GRAMD4: variants seen among roughly 807,000 people sequenced by gnomAD.
GRAMD4 encodes GRAM domain-containing protein 4.
A neutral mutation model predicts 83.9 loss-of-function variants in GRAMD4; 25 were observed. That is an observed-to-expected ratio of 0.30 (90% CI 0.22 to 0.42). The LOEUF (loss-of-function observed/expected upper bound fraction) is 0.42, where lower values mean the gene tolerates loss of function less well. Among genes scored for constraint, GRAMD4 ranks in the 10% least tolerant of loss-of-function variants. The probability of loss-of-function intolerance (pLI) is 1.00; values close to 1 mark genes in which losing one functional copy is unlikely to be tolerated. For missense variants in GRAMD4, 593 were observed against 788.7 expected, an observed-to-expected ratio of 0.75 and a Z score of 2.97; for synonymous variants, 336 against 320.9, an observed-to-expected ratio of 1.05 and a Z score of -0.50.
At chr22:46,599,236 C>T (rs1030431598) in intron 1 of GRAMD4, among the ~76,000 whole-genome samples, 2 of 152,140 alleles carry the variant, frequency 1.3e-5, no homozygotes, top group Non-Finnish European at 2.9e-5. Context: ...AGAGTGCTTG[C>T]GTTGTCAGTT....
At chr22:46,627,051 G>A in intron 2 of GRAMD4, 90 bp downstream of exon 2, 1 of 878,866 alleles carries the variant, frequency 1.1e-6, no homozygotes. Context: ...GCAGATTCGT[G>A]TCCTGCCCAT....
intron 1 of GRAMD4, among the ~76,000 whole-genome samples, chr22:46,579,657 C>G (rs2081078194): frequency 6.6e-6 from 1 of 152,152 alleles, no homozygotes. Context: ...TCCGTGTGCC[C>G]CCTCCCCTCC....
rs2081583096 is a variant in GRAMD4 at position 46,622,012 on chromosome 22, A to T, written c.-50+1447A>T. ...GGGCCGCTGTGAACCATCCAGCAGG[A>T]TGACCCTGGGTTTGGGGCTGAGCCG... On this transcript the variant is annotated intron_variant, in intron 1 of 18. Transcript: ENST00000406902. This position sits in a 1 kb window ranked among gnomAD's most constrained non-coding sequence, Gnocchi z 4.0. 6.6e-6 allele frequency among the ~76,000 whole-genome samples: 1 copy of T among 152,170 alleles called. No homozygotes were observed.
Position 46,677,580 on chromosome 22 carries a change from G to A in GRAMD4, c.*329G>A. 1 of 1,075,048 alleles carries A rather than the reference G, an allele frequency of 9.3e-7. No individual in the cohort carries two copies. Among genetic ancestry groups the A allele is most frequent in the African/African-American group, 1.6e-5 (1 of 61,394 alleles). 66.6% of individuals were successfully genotyped at this position (1,075,048 alleles called of 1,614,324 possible). A position where few individuals can be genotyped will look rare whatever the true frequency, so the allele number is the denominator to read the frequency against. On this transcript the variant is annotated 3_prime_UTR_variant, in exon 19 of 19. Coordinates refer to ENST00000406902, the MANE Select transcript of GRAMD4 (RefSeq NM_015124.5). The stretch of plus-strand genomic sequence containing the variant: ...CCCTGCCCTTCTCCGTTCCAGCCTG[G>A]ACAGAGAAACCTCTCCAGCCACCCC...
At chr22:46,644,699 T>TTTTTTTG in intron 3 of GRAMD4, among the ~76,000 whole-genome samples, 4 of 3,876 alleles carry the variant, frequency 1.0e-3, no homozygotes, top group Admixed American at 6.0e-3. Flanking sequence ...TGTTCCCTGT[T>TTTTTTTG]TTTTTTTTTT....
At chr22:46,675,439 G>C in intron 16 of GRAMD4, 29 bp from the exon 17 acceptor site, 1 of 1,541,392 alleles carries the variant, frequency 6.5e-7, no homozygotes, top group Non-Finnish European at 9.0e-7. Flanking sequence ...TCAAGAGCCA[G>C]GCGACGCCTC....
intron 1 of GRAMD4, among the ~76,000 whole-genome samples, chr22:46,577,671 C>T (rs1173907308): frequency 6.6e-6 from 1 of 152,116 alleles, no homozygotes; most frequent in Non-Finnish European, 1.5e-5. Context: ...CAATGTCGTC[C>T]TGCCGATCCA....
At chr22:46,645,354 C>T (rs1038644370) in intron 3 of GRAMD4, among the ~76,000 whole-genome samples, 1 of 152,126 alleles carries the variant, frequency 6.6e-6, no homozygotes, top group African/African-American at 2.4e-5. Context: ...TTCTGGTTGT[C>T]ACTAAGCCAA....
At chr22:46,593,371 T>G (rs4823861) in intron 1 of GRAMD4, among the ~76,000 whole-genome samples, 139,754 of 151,986 alleles carry the variant, frequency 0.92, 64,374 homozygotes, top group East Asian at 1. Context: ...AGCTGGACGG[T>G]GAAAGGGACG....
intron 3 of GRAMD4, among the ~76,000 whole-genome samples, chr22:46,651,129 C>T (rs750550071): frequency 4.6e-5 from 7 of 151,634 alleles, no homozygotes; most frequent in African/African-American, 1.5e-4. Context: ...TCCTAGGCAT[C>T]GGGGGAGCAG....
intron 4 of GRAMD4, among the ~76,000 whole-genome samples, chr22:46,660,137 G>A (rs2082306165): frequency 6.6e-6 from 1 of 152,200 alleles, no homozygotes; most frequent in African/African-American, 2.4e-5. Flanking sequence ...GCCCCTTGGT[G>A]GCAGGTGTGC....
At chr22:46,650,209 G>A (rs1021132247) in intron 3 of GRAMD4, among the ~76,000 whole-genome samples, 4 of 152,158 alleles carry the variant, frequency 2.6e-5, no homozygotes, top group African/African-American at 4.8e-5. Flanking sequence ...TGAATCAGTC[G>A]TGTGCCAAGA....
At chr22:46,585,780 C>T (rs887586593) in intron 1 of GRAMD4, among the ~76,000 whole-genome samples, 3 of 152,132 alleles carry the variant, frequency 2.0e-5, no homozygotes, top group East Asian at 3.9e-4. Context: ...AAGGAGGGCT[C>T]CCTGGAGCGA....
In GRAMD4 at chr22:46,672,082, C is replaced by T. The variant is rs1385830256; in HGVS notation, c.1085-761C>T. Among the ~76,000 whole-genome samples, 1 of 152,198 alleles carries T rather than the reference C, an allele frequency of 6.6e-6. No individual in the cohort carries two copies. Among genetic ancestry groups the T allele is most frequent in the Non-Finnish European group, 1.5e-5 (1 of 68,018 alleles). On this transcript the variant is annotated intron_variant, in intron 13 of 18. Coordinates refer to ENST00000406902, the MANE Select transcript of GRAMD4 (RefSeq NM_015124.5). This position sits in a 1 kb window ranked among gnomAD's most constrained non-coding sequence, Gnocchi z 4.7. The stretch of plus-strand genomic sequence containing the variant: ...CAGCCCCCAGCACTGGGAGGGGCAC[C>T]CGGAGAGACCGGAACTCCTGACAGC...
At chr22:46,604,294 A>G (rs1737846557) in intron 1 of GRAMD4, among the ~76,000 whole-genome samples, 1 of 152,136 alleles carries the variant, frequency 6.6e-6, no homozygotes, top group Admixed American at 6.6e-5. Context: ...GGTTCTTCTA[A>G]AATCTGTTGT....
intron 1 of GRAMD4, among the ~76,000 whole-genome samples, chr22:46,591,700 G>A (rs1293939469): frequency 6.6e-6 from 1 of 151,984 alleles, no homozygotes; most frequent in Non-Finnish European, 1.5e-5. Context: ...GGGTGTGGTG[G>A]TGGGTGCCTG....
At position 46,672,970 on chromosome 22, in the gene GRAMD4, G is replaced by A. The variant is rs1269632066; in HGVS notation, c.1212G>A (p.Glu404=). 3 of 1,606,630 alleles carry A rather than the reference G, an allele frequency of 1.9e-6. No individual in the cohort carries two copies. Among genetic ancestry groups the A allele is most frequent in the African/African-American group, 1.3e-5 (1 of 74,970 alleles). Residue 404 remains glutamate, a synonymous_variant, in exon 14 of 19, where the codon GAG becomes GAA. Transcript: ENST00000406902. The surrounding 1 kb of genome is among the most constrained non-coding windows in gnomAD (Gnocchi z 4.7). ...RSLPTDPQLK[E]RSSAAVSRRL... ...TCCCCACCGACCCGCAGCTCAAGGAGCGCTCCAGCGCCGCAGTCTCACGCA... is the reference window on the plus strand; with the variant it reads ...TCCCCACCGACCCGCAGCTCAAGGAACGCTCCAGCGCCGCAGTCTCACGCA...
Position 46,679,122 on chromosome 22 carries a change from CCGCA to C in GRAMD4, c.*1872_*1875del. Reference sequence around the variant, plus strand: ...CCAGGGGCGGCTGCAGAGGCAGTGCCCGCAGACAATGGCCACACCTCTCTCCCCA... The same window carrying C: ...CCAGGGGCGGCTGCAGAGGCAGTGCCGACAATGGCCACACCTCTCTCCCCA... On this transcript the variant is annotated 3_prime_UTR_variant, in exon 19 of 19. Coordinates refer to ENST00000406902, the MANE Select transcript of GRAMD4 (RefSeq NM_015124.5). 1.0e-6 allele frequency: 1 copy of C among 985,530 alleles called. No homozygotes were observed. Among genetic ancestry groups the C allele is most frequent in the Non-Finnish European group, 1.2e-6 (1 of 829,972 alleles). 61.0% of individuals were successfully genotyped at this position (985,530 alleles called of 1,614,324 possible).
chr22:46,591,059 A>G (rs2081201916), intron 1 of GRAMD4, among the ~76,000 whole-genome samples: 4 of 93,294 alleles, frequency 4.3e-5, no homozygotes, highest in African/African-American at 2.6e-4. Flanking sequence ...GACTCTGTCT[A>G]AAAAGAAAAA....
Sources: allele counts gnomAD v4.1 joint callset (sites outside exome capture counted in the v4.1 genomes callset), GRCh38; gene constraint gnomAD v4.1.1; non-coding constraint Gnocchi (gnomAD v3.1); transcripts MANE v1.5; gene names NCBI Gene and HGNC (gene_info 2026-07-23, HGNC 2026-07-21).